CLUL1: variants seen among roughly 807,000 people sequenced by gnomAD.
CLUL1 encodes the protein clusterin-like protein 1.
In CLUL1, 43 loss-of-function variants were observed where a neutral mutation model predicts 49.4. The observed-to-expected ratio is 0.87, with a 90% CI of 0.68 to 1.12. The LOEUF is 1.12. Ranked by LOEUF, CLUL1 falls within the 50% of genes most tolerant of loss-of-function variation. CLUL1 has a pLI of 0.00. For missense variants in CLUL1, 486 were observed against 544.4 expected, an observed-to-expected ratio of 0.89 and a Z score of 1.07; for synonymous variants, 192 against 184.9, an observed-to-expected ratio of 1.04 and a Z score of -0.31.
At chr18:624,796 G>T in intron 4 of CLUL1, 69 bp from the exon 5 acceptor site, 1 of 1,465,036 alleles carries the variant, frequency 6.8e-7, no homozygotes, top group South Asian at 1.2e-5. Flanking sequence ...CATTTCAAAG[G>T]GTGAAATCAA....
intron 2 of CLUL1, among the ~76,000 whole-genome samples, chr18:607,577 C>A (rs1307108263): frequency 6.6e-6 from 1 of 152,116 alleles, no homozygotes; most frequent in Non-Finnish European, 1.5e-5. Flanking sequence ...CAGGTGCATG[C>A]CACCACCTAG....
chr18:606,633 G>GAAC lies in CLUL1; in HGVS notation c.-135-341_-135-339dup, dbSNP rs2072979912. The stretch of plus-strand genomic sequence containing the variant: ...GCTTTCTCACCCAGGGCTCGCCCCA[G>GAAC]AACAACCACCGGCTTCTTTCAGTGT... On this transcript the variant is annotated intron_variant, in intron 1 of 9. Coordinates refer to ENST00000692774, the MANE Select transcript of CLUL1 (RefSeq NM_001393344.1). The surrounding 1 kb of genome is among the most constrained non-coding windows in gnomAD (Gnocchi z 4.1). 6.6e-6 allele frequency among the ~76,000 whole-genome samples: 1 copy of GAAC among 152,260 alleles called. No homozygotes were observed. Among genetic ancestry groups the GAAC allele is most frequent in the South Asian group, 2.1e-4 (1 of 4,820 alleles).
intron 2 of CLUL1, among the ~76,000 whole-genome samples, chr18:610,769 G>A (rs796489461): frequency 6.6e-6 from 1 of 152,162 alleles, no homozygotes; most frequent in South Asian, 2.1e-4. Context: ...GGGGGAGGTG[G>A]CTCACGCCTG....
At chr18:599,905 G>A (rs553527508) in intron 1 of CLUL1, among the ~76,000 whole-genome samples, 1 of 149,250 alleles carries the variant, frequency 6.7e-6, no homozygotes, top group East Asian at 2.0e-4. Flanking sequence ...CCGAGATCGC[G>A]CCACTGCACT....
chr18:617,327 G>C (rs1293687385), intron 2 of CLUL1, among the ~76,000 whole-genome samples: 1 of 152,118 alleles, frequency 6.6e-6, no homozygotes, highest in African/African-American at 2.4e-5. Flanking sequence ...AGGTGTGGTG[G>C]CTCACGCCTG....
intron 6 of CLUL1, 118 bp downstream of exon 6, chr18:627,647 T>G (rs1256403788): frequency 2.9e-6 from 2 of 692,840 alleles, no homozygotes; most frequent in Non-Finnish European, 4.7e-6. Context: ...AAGAGACAAT[T>G]TATGGAAAAT....
chr18:602,226 A>G (rs2072851926), intron 1 of CLUL1, among the ~76,000 whole-genome samples: 1 of 152,260 alleles, frequency 6.6e-6, no homozygotes, highest in African/African-American at 2.4e-5. Context: ...ATGTGGGGCT[A>G]CAGGGATGAA....
At chr18:625,201 C>T (rs2144043823) in intron 5 of CLUL1, among the ~76,000 whole-genome samples, 169 bp downstream of exon 5, 1 of 152,268 alleles carries the variant, frequency 6.6e-6, no homozygotes, top group Admixed American at 6.5e-5. Flanking sequence ...TGTGTATACG[C>T]AATTTATAAG....
intron 1 of CLUL1, among the ~76,000 whole-genome samples, chr18:599,947 CAA>C (rs369269965): frequency 5.3e-5 from 7 of 132,648 alleles, no homozygotes; most frequent in Admixed American, 7.8e-5. Flanking sequence ...GACTTCATCT[CAA>C]AAAAAAAAAA....
At chr18:642,511 T>C (rs1204619770) in intron 8 of CLUL1, among the ~76,000 whole-genome samples, 2 of 152,246 alleles carry the variant, frequency 1.3e-5, no homozygotes, top group East Asian at 1.9e-4. Context: ...AATAACTTTT[T>C]GCATAACATG....
chr18:649,210 G>T (rs931425711), intron 9 of CLUL1, among the ~76,000 whole-genome samples: 1 of 152,130 alleles, frequency 6.6e-6, no homozygotes, highest in African/African-American at 2.4e-5. Context: ...AGGAAAAGAT[G>T]GTAGAAAAGA....
chr18:597,351 C>G (rs1323909260), intron 1 of CLUL1, among the ~76,000 whole-genome samples: 2 of 152,188 alleles, frequency 1.3e-5, no homozygotes, highest in African/African-American at 4.8e-5. Context: ...CTGGGCTGTT[C>G]CAATACGTTT....
chr18:613,187 G>A, intron 2 of CLUL1: 1 of 473,276 alleles, frequency 2.1e-6, no homozygotes, highest in Non-Finnish European at 3.7e-6. Flanking sequence ...TGCCCAGACT[G>A]GAGTGCACTG....
At chr18:605,959 C>T (rs2072962557) in intron 1 of CLUL1, among the ~76,000 whole-genome samples, 1 of 152,174 alleles carries the variant, frequency 6.6e-6, no homozygotes, top group African/African-American at 2.4e-5. Context: ...GCCACCACAC[C>T]CAGCCCCAGT....
rs114700621 is a variant in CLUL1, at chr18:625,056, A to T, written c.423+24A>T. ...AGGTAAGAGAAAAAGAGAGCTCAAG[A>T]TTTCACAGTTCTTGAGGCACCTATT... On this transcript the variant is annotated intron_variant, in intron 5 of 9. Coordinates refer to ENST00000692774, the MANE Select transcript of CLUL1 (RefSeq NM_001393344.1). 2,458 of 1,611,652 alleles carry T rather than the reference A, an allele frequency of 1.5e-3. 28 individuals are homozygous for T. The African/African-American group carries it at 0.026, about 17-fold the overall frequency.
intron 4 of CLUL1, among the ~76,000 whole-genome samples, chr18:623,773 C>T (rs16947555): frequency 0.018 from 2,713 of 151,808 alleles, 83 homozygotes; most frequent in African/African-American, 0.062. Context: ...AGTTTTCTTA[C>T]GTGGATCATA....
At chr18:631,846 C>T (rs886499452) in intron 6 of CLUL1, among the ~76,000 whole-genome samples, 1 of 152,130 alleles carries the variant, frequency 6.6e-6, no homozygotes, top group Non-Finnish European at 1.5e-5. Context: ...GATAAGAAAG[C>T]AAACACTACA....
chr18:616,240 C>T (rs549781652), intron 2 of CLUL1, among the ~76,000 whole-genome samples: 3 of 152,288 alleles, frequency 2.0e-5, no homozygotes, highest in Non-Finnish European at 4.4e-5. Flanking sequence ...ATATGCTAGA[C>T]TTTATCACTT....
chr18:601,371 G>A (rs181150640), intron 1 of CLUL1, among the ~76,000 whole-genome samples: 4 of 152,218 alleles, frequency 2.6e-5, no homozygotes, highest in Admixed American at 1.3e-4. Flanking sequence ...GGCCGGGCGC[G>A]GTGGCTCACA....
Sources: allele counts gnomAD v4.1 joint callset (sites outside exome capture counted in the v4.1 genomes callset), GRCh38; gene constraint gnomAD v4.1.1; non-coding constraint Gnocchi (gnomAD v3.1); transcripts MANE v1.5; gene names NCBI Gene and HGNC (gene_info 2026-07-23, HGNC 2026-07-21).